Variants in ADCY2 observed in about 807,000 individuals in gnomAD.
ADCY2 encodes adenylate cyclase type 2.
A neutral mutation model predicts 125.2 loss-of-function variants in ADCY2; 31 were observed. The ratio of observed to expected loss-of-function variants is 0.25; its 90% CI spans 0.19 to 0.33. The LOEUF (loss-of-function observed/expected upper bound fraction) is 0.33, where lower values mean the gene tolerates loss of function less well. Among genes scored for constraint, ADCY2 ranks in the 10% least tolerant of loss-of-function variants. The probability of loss-of-function intolerance (pLI) is 1.00; values close to 1 mark genes in which losing one functional copy is unlikely to be tolerated. For missense variants in ADCY2, 904 were observed against 1,418.2 expected (o/e 0.64, Z 5.82); for synonymous variants, 512 against 548.4 (o/e 0.93, Z 0.93).
At chr5:7,433,348 G>A (rs954781899) in intron 2 of ADCY2, among the ~76,000 whole-genome samples, 1 of 152,068 alleles carries the variant, frequency 6.6e-6, no homozygotes, top group Non-Finnish European at 1.5e-5. Flanking sequence ...TGTAAAATCA[G>A]TTGCTGAGTT....
At chr5:7,525,655 A>ATGTG (rs34875401) in intron 3 of ADCY2, among the ~76,000 whole-genome samples, 1 of 150,602 alleles carries the variant, frequency 6.6e-6, no homozygotes, top group African/African-American at 2.4e-5. Flanking sequence ...TACATTATAG[A>ATGTG]TGTGTGTGTG....
chr5:7,748,444 G>A (rs560282802), intron 15 of ADCY2, among the ~76,000 whole-genome samples: 22 of 151,850 alleles, frequency 1.4e-4, no homozygotes, highest in Non-Finnish European at 2.6e-4. Flanking sequence ...AGGGACCAAG[G>A]ACTCCAAAGG....
intron 3 of ADCY2, among the ~76,000 whole-genome samples, chr5:7,614,971 C>G (rs1579237487): frequency 6.6e-6 from 1 of 152,286 alleles, no homozygotes; most frequent in Non-Finnish European, 1.5e-5. Flanking sequence ...CGCCATTCTG[C>G]AGGCTCTACA....
intron 2 of ADCY2, among the ~76,000 whole-genome samples, chr5:7,510,889 A>C (rs571793072): frequency 2.7e-4 from 41 of 152,208 alleles, no homozygotes; most frequent in Non-Finnish European, 5.3e-4. Flanking sequence ...TTGTTACTGC[A>C]AAGAGGTTAA....
At chr5:7,525,227 G>A (rs896336295) in intron 3 of ADCY2, among the ~76,000 whole-genome samples, 9 of 152,106 alleles carry the variant, frequency 5.9e-5, no homozygotes, top group African/African-American at 1.7e-4. Flanking sequence ...GGCTGGTCTC[G>A]AACTCCTGAG....
At chr5:7,498,025 A>G (rs1743400993) in intron 2 of ADCY2, among the ~76,000 whole-genome samples, 1 of 152,150 alleles carries the variant, frequency 6.6e-6, no homozygotes, top group African/African-American at 2.4e-5. Context: ...TCATTTTGTA[A>G]AACAAAAACA....
chr5:7,468,450 GA>G (rs1166906087), intron 2 of ADCY2, among the ~76,000 whole-genome samples: 2 of 152,122 alleles, frequency 1.3e-5, no homozygotes, highest in East Asian at 3.8e-4. Flanking sequence ...ATCAGTTTGA[GA>G]GCTAAATGAT....
chr5:7,665,870 G>A (rs1468732253), intron 4 of ADCY2, among the ~76,000 whole-genome samples: 5 of 97,428 alleles, frequency 5.1e-5, no homozygotes, highest in African/African-American at 8.3e-5. Flanking sequence ...ACAGAATCTC[G>A]CTCTGTAGCC....
chr5:7,411,453 G>T (rs568345130), intron 1 of ADCY2, among the ~76,000 whole-genome samples: 4 of 152,194 alleles, frequency 2.6e-5, no homozygotes, highest in Non-Finnish European at 5.9e-5. Flanking sequence ...CCTCTTTATA[G>T]TTTGCAACTG....
intron 20 of ADCY2, chr5:7,801,462 C>T (rs181273407): frequency 6.6e-6 from 1 of 152,362 alleles, no homozygotes; most frequent in African/African-American, 2.4e-5. Context: ...TCTGAGGACC[C>T]CTTGCCAGTG....
intron 18 of ADCY2, among the ~76,000 whole-genome samples, chr5:7,777,774 T>C (rs538064537): frequency 6.6e-6 from 1 of 152,172 alleles, no homozygotes; most frequent in African/African-American, 2.4e-5. Context: ...TAGAAAAACT[T>C]CGTATCGATG....
intron 16 of ADCY2, among the ~76,000 whole-genome samples, chr5:7,761,185 T>C (rs1459610504): frequency 8.3e-6 from 1 of 120,648 alleles, no homozygotes; most frequent in Non-Finnish European, 1.6e-5. Flanking sequence ...AGTCTCGCCC[T>C]GTCACCCAGG....
intron 2 of ADCY2, among the ~76,000 whole-genome samples, chr5:7,456,556 A>G (rs1404745906): frequency 6.6e-6 from 1 of 152,232 alleles, no homozygotes; most frequent in Non-Finnish European, 1.5e-5. Flanking sequence ...CAAGAAATAC[A>G]TGCTCCACTT....
intron 3 of ADCY2, among the ~76,000 whole-genome samples, chr5:7,557,925 T>A (rs1440983651): frequency 6.6e-6 from 1 of 152,216 alleles, no homozygotes; most frequent in South Asian, 2.1e-4. Flanking sequence ...ATGTCTGTAT[T>A]TAGGTCTTTG....
At chr5:7,702,413 G>C (rs1463617254) in intron 7 of ADCY2, among the ~76,000 whole-genome samples, 2 of 150,552 alleles carry the variant, frequency 1.3e-5, no homozygotes, top group Non-Finnish European at 3.0e-5. Flanking sequence ...GGTATGTGAT[G>C]TTCCCCTTCC....
chr5:7,490,411 T>C (rs1412807704), intron 2 of ADCY2, among the ~76,000 whole-genome samples: 1 of 152,078 alleles, frequency 6.6e-6, no homozygotes, highest in African/African-American at 2.4e-5. Context: ...AAACAATGCA[T>C]GAACAGAGAT....
chr5:7,565,590 A>G lies in ADCY2; in HGVS notation c.570+44691A>G, dbSNP rs181290329. ...TCAAAAAACAAAGTCATGCTCACAC[A>G]ATTGTAGTTTGAGCTACAAATAAAA... On this transcript the variant is annotated intron_variant, in intron 3 of 24. Coordinates refer to ENST00000338316, the MANE Select transcript of ADCY2 (RefSeq NM_020546.3). 2.6e-3 allele frequency among the ~76,000 whole-genome samples: 389 copies of G among 152,340 alleles called. 3 individuals carry two copies. The highest frequency in any genetic ancestry group is 0.022 in the South Asian group (105 of 4,824).
chr5:7,685,507 A>G (rs1411843016), intron 4 of ADCY2, among the ~76,000 whole-genome samples: 2 of 152,256 alleles, frequency 1.3e-5, no homozygotes, highest in African/African-American at 4.8e-5. Context: ...CCATGTGAAT[A>G]TGATGACCAA....
chr5:7,543,821 G>C (rs1003833939), intron 3 of ADCY2, among the ~76,000 whole-genome samples: 69 of 151,896 alleles, frequency 4.5e-4, no homozygotes, highest in African/African-American at 1.6e-3. Context: ...AGACCATCCT[G>C]GCTAACATGG....
Sources: allele counts gnomAD v4.1 joint callset (sites outside exome capture counted in the v4.1 genomes callset), GRCh38; gene constraint gnomAD v4.1.1; transcripts MANE v1.5; gene names NCBI Gene and HGNC (gene_info 2026-07-23, HGNC 2026-07-21).